The following CSNK1G3 variants were observed in gnomAD, a reference collection of about 807,000 sequenced individuals.
CSNK1G3 encodes casein kinase 1 gamma 3, also known as casein kinase I isoform gamma-3.
CSNK1G3 carries 23 observed loss-of-function variants against 64.3 expected under a neutral mutation model. The ratio of observed to expected loss-of-function variants is 0.36; its 90% CI spans 0.26 to 0.51. CSNK1G3 has a LOEUF of 0.51. CSNK1G3 is among the 20% of genes least tolerant of loss of function. The pLI, the probability that CSNK1G3 is intolerant of heterozygous loss-of-function variation, is 0.96. For missense variants in CSNK1G3, 357 were observed against 510.5 expected (o/e 0.70, Z 2.90); for synonymous variants, 158 against 162.2 (o/e 0.97, Z 0.20).
chr5:123,586,725 A>T (rs962356777), intron 6 of CSNK1G3, among the ~76,000 whole-genome samples: 3 of 152,130 alleles, frequency 2.0e-5, no homozygotes, highest in African/African-American at 7.2e-5. Flanking sequence ...AAAAACACAA[A>T]CATAGTATCT....
chr5:123,512,266 T>A (rs1776295297), exon 1 of CSNK1G3: 1 of 152,414 alleles, frequency 6.6e-6, no homozygotes, highest in South Asian at 2.1e-4. Flanking sequence ...TGCTGTGCAT[T>A]CATTCCGGGC....
chr5:123,539,131 G>C (rs1486287628), intron 1 of CSNK1G3, among the ~76,000 whole-genome samples: 1 of 152,114 alleles, frequency 6.6e-6, no homozygotes, highest in African/African-American at 2.4e-5. Flanking sequence ...ACCACGCCTG[G>C]TTGTGGGTTG....
chr5:123,556,890 G>T (rs1376984658), intron 3 of CSNK1G3, among the ~76,000 whole-genome samples: 1 of 151,884 alleles, frequency 6.6e-6, no homozygotes, highest in African/African-American at 2.4e-5. Flanking sequence ...GTGAAATCCA[G>T]CAACAGGCAA....
At chr5:123,527,394 A>G (rs1779274145) in intron 1 of CSNK1G3, among the ~76,000 whole-genome samples, 2 of 152,222 alleles carry the variant, frequency 1.3e-5, no homozygotes, top group South Asian at 2.1e-4. Flanking sequence ...TTAGCTGGGC[A>G]GAAGGAAGTC....
intron 9 of CSNK1G3, 24 bp downstream of exon 9, chr5:123,590,582 ATTAC>A (rs761721327): frequency 9.3e-5 from 126 of 1,355,292 alleles, no homozygotes; most frequent in Middle Eastern, 4.1e-4. Flanking sequence ...ATAATAATAT[ATTAC>A]TTACAGTATC....
intron 1 of CSNK1G3, among the ~76,000 whole-genome samples, chr5:123,535,707 AATGAT>A (rs2150141217): frequency 6.6e-6 from 1 of 152,262 alleles, no homozygotes; most frequent in East Asian, 1.9e-4. Flanking sequence ...TTGACTCATG[AATGAT>A]ATCCTAGTCC....
At chr5:123,589,619 A>G (rs1465931237) in intron 8 of CSNK1G3, among the ~76,000 whole-genome samples, 1 of 152,028 alleles carries the variant, frequency 6.6e-6, no homozygotes, top group Non-Finnish European at 1.5e-5. Context: ...CTCTTACTGT[A>G]GTGATTTTCT....
At chr5:123,579,278 A>T (rs1434282673) in intron 6 of CSNK1G3, among the ~76,000 whole-genome samples, 1 of 130,582 alleles carries the variant, frequency 7.7e-6, no homozygotes. Flanking sequence ...TGCCTGAAAA[A>T]TGTAAATTTG....
At chr5:123,589,699 A>G (rs6862060) in intron 8 of CSNK1G3, among the ~76,000 whole-genome samples, 6,831 of 151,920 alleles carry the variant, frequency 0.045, 245 homozygotes, top group African/African-American at 0.091. Context: ...ATATTTATAT[A>G]TTTGTTTGTC....
intron 8 of CSNK1G3, 129 bp downstream of exon 8, chr5:123,588,640 G>T: frequency 1.5e-6 from 1 of 672,534 alleles, no homozygotes; most frequent in Non-Finnish European, 2.5e-6. Flanking sequence ...TTTAAAGGTT[G>T]TCAGCATTTG....
intron 10 of CSNK1G3, among the ~76,000 whole-genome samples, chr5:123,594,144 A>G (rs1792969220): frequency 6.6e-6 from 1 of 152,166 alleles, no homozygotes; most frequent in South Asian, 2.1e-4. Context: ...ATGGTAATAT[A>G]TAAAGCAGCT....
At chr5:123,603,698 A>G (rs1794869649) in intron 10 of CSNK1G3, among the ~76,000 whole-genome samples, 1 of 152,148 alleles carries the variant, frequency 6.6e-6, no homozygotes, top group South Asian at 2.1e-4. Context: ...TGAGAATCTG[A>G]AAGATGAGAA....
intron 2 of CSNK1G3, among the ~76,000 whole-genome samples, chr5:123,552,614 A>C (rs1783908398): frequency 6.6e-6 from 1 of 152,172 alleles, no homozygotes; most frequent in Admixed American, 6.5e-5. Context: ...CAATTATTGA[A>C]TGTTTTTAAA....
intron 1 of CSNK1G3, among the ~76,000 whole-genome samples, chr5:123,530,956 A>C (rs997495141): frequency 3.3e-5 from 5 of 152,158 alleles, no homozygotes; most frequent in Non-Finnish European, 7.4e-5. Flanking sequence ...GAAGCATGTG[A>C]TGTAACGGCT....
chr5:123,611,189 A>G (rs990136447), intron 12 of CSNK1G3, among the ~76,000 whole-genome samples: 1 of 152,188 alleles, frequency 6.6e-6, no homozygotes, highest in East Asian at 1.9e-4. Flanking sequence ...AATAAGCCAT[A>G]AGGTTAAAAC....
intron 4 of CSNK1G3, among the ~76,000 whole-genome samples, chr5:123,569,146 T>C (rs764692597): frequency 1.3e-5 from 2 of 152,218 alleles, no homozygotes; most frequent in Non-Finnish European, 2.9e-5. Context: ...ATTATATGCA[T>C]ACTTATGCTT....
chr5:123,569,722 C>T lies in CSNK1G3; in HGVS notation c.290-3671C>T, dbSNP rs377039742. Among the ~76,000 whole-genome samples, 114 of 152,196 alleles carry T rather than the reference C, an allele frequency of 7.5e-4. 1 individual carries two copies. In the South Asian group the frequency reaches 7.9e-3, roughly 11 times the overall value. On this transcript the variant is annotated intron_variant, in intron 4 of 12. Coordinates refer to ENST00000345990, the Ensembl canonical transcript of CSNK1G3. ...TGTCAGTTTTTCTTGAAGTAAGAGTCTCTTCATTCATTCTTGAGAATGCTT... is the reference window on the plus strand; with the variant it reads ...TGTCAGTTTTTCTTGAAGTAAGAGTTTCTTCATTCATTCTTGAGAATGCTT...
chr5:123,562,384 A>G (rs866723913), intron 4 of CSNK1G3, among the ~76,000 whole-genome samples: 1 of 152,012 alleles, frequency 6.6e-6, no homozygotes. Flanking sequence ...AGTGATAATG[A>G]TATGTTCATC....
rs187505455 is a variant in CSNK1G3, at chr5:123,559,167, C to T, written c.289+1603C>T. 3.1e-3 allele frequency among the ~76,000 whole-genome samples: 465 copies of T among 152,042 alleles called. 7 individuals carry two copies. The highest frequency in any genetic ancestry group is 0.011 in the African/African-American group (449 of 41,452). On this transcript the variant is annotated intron_variant, in intron 4 of 12. Transcript: ENST00000345990. Reference sequence around the variant, plus strand: ...GCCTCAAGTTAGATCAAATGCTTATCCGAACTTTAGAGACTGAGAATGGGG... The same window carrying T: ...GCCTCAAGTTAGATCAAATGCTTATTCGAACTTTAGAGACTGAGAATGGGG...
Sources: allele counts gnomAD v4.1 joint callset (sites outside exome capture counted in the v4.1 genomes callset), GRCh38; gene constraint gnomAD v4.1.1; transcripts MANE v1.5; gene names NCBI Gene and HGNC (gene_info 2026-07-23, HGNC 2026-07-21).